The following SP100 variants were observed in gnomAD, a reference collection of about 807,000 sequenced individuals.
SP100 encodes the protein nuclear autoantigen Sp-100.
SP100 carries 84 observed loss-of-function variants against 130.0 expected under a neutral mutation model. The ratio of observed to expected loss-of-function variants is 0.65; its 90% confidence interval spans 0.54 to 0.77. The LOEUF is 0.77. Among genes scored for constraint, SP100 ranks in the 30% least tolerant of loss-of-function variants. SP100 has a pLI of 0.00. For synonymous variants in SP100, 331 were observed against 351.7 expected (o/e 0.94, Z 0.66); for missense variants, 978 against 1,052.2 (o/e 0.93, Z 0.97).
chr2:230,519,227 G>T (rs577685377), intron 24 of SP100, among the ~76,000 whole-genome samples: 1 of 152,268 alleles, frequency 6.6e-6, no homozygotes, highest in African/African-American at 2.4e-5. Context: ...GTCTGATATT[G>T]GATAAAGAGT....
chr2:230,524,260 G>A (rs1691316882), intron 24 of SP100, among the ~76,000 whole-genome samples: 1 of 150,392 alleles, frequency 6.6e-6, no homozygotes, highest in South Asian at 2.1e-4. Context: ...GGAGGCTGGG[G>A]CAGGAGAATC....
At chr2:230,449,391 GT>G in intron 6 of SP100, 169 bp from the exon 7 acceptor site, 1 of 835,476 alleles carries the variant, frequency 1.2e-6, no homozygotes, top group Non-Finnish European at 2.0e-6. Context: ...GAGCCTGGTC[GT>G]TTTACCCATG....
chr2:230,449,178 C>A, intron 6 of SP100, 28 bp downstream of exon 6: 1 of 1,611,938 alleles, frequency 6.2e-7, no homozygotes, highest in Non-Finnish European at 8.5e-7. Flanking sequence ...ACTCTTTGAG[C>A]CTCTGCTATT....
chr2:230,419,414 G>A (rs571656909), intron 2 of SP100, among the ~76,000 whole-genome samples: 1 of 152,328 alleles, frequency 6.6e-6, no homozygotes, highest in African/African-American at 2.4e-5. Context: ...CTGTCCTGGT[G>A]ATCAGATCGA....
At chr2:230,429,626 T>C (rs757791440) in intron 2 of SP100, among the ~76,000 whole-genome samples, 1 of 152,058 alleles carries the variant, frequency 6.6e-6, no homozygotes, top group Non-Finnish European at 1.5e-5. Context: ...ATAAATCCCA[T>C]AGGCTTTTTT....
chr2:230,475,495 T>C (rs558267285), intron 17 of SP100, among the ~76,000 whole-genome samples: 59 of 152,352 alleles, frequency 3.9e-4, no homozygotes, highest in African/African-American at 1.4e-3. Context: ...GCTGTCTGTT[T>C]ACTCTTTTGG....
intron 2 of SP100, among the ~76,000 whole-genome samples, chr2:230,427,773 T>C (rs1009283765): frequency 3.3e-5 from 5 of 152,216 alleles, no homozygotes; most frequent in African/African-American, 1.2e-4. Context: ...TTTATAGCTA[T>C]ACCATCCTAT....
At chr2:230,476,841 C>T (rs987528823) in intron 17 of SP100, among the ~76,000 whole-genome samples, 1 of 151,930 alleles carries the variant, frequency 6.6e-6, no homozygotes, top group Non-Finnish European at 1.5e-5. Context: ...TCAGAGAATG[C>T]TCTGTGTTTC....
rs1189892163 is a variant in SP100 at position 230,416,223 on chromosome 2, C to G, written c.-74C>G. The G allele has an allele frequency of 1.5e-6, 2 of 1,292,974 alleles. No homozygotes were observed. The highest frequency in any genetic ancestry group is 2.9e-5 in the African/African-American group (2 of 68,572). The allele number at this position is 1,292,974 out of a possible 1,614,324, so 80.1% of individuals were successfully genotyped here. ...CCTGCTTGGGGCCTGGGCAGCCACA[C>G]TGCACGCAGGCTGGGCCGACTGAGG... On this transcript the variant is annotated 5_prime_UTR_variant, in exon 1 of 29. Coordinates refer to ENST00000340126, the MANE Select transcript of SP100 (RefSeq NM_001080391.2).
intron 5 of SP100, 138 bp from the exon 6 acceptor site, chr2:230,448,950 C>T (rs2063835964): frequency 1.5e-6 from 1 of 688,684 alleles, no homozygotes; most frequent in African/African-American, 1.8e-5. Flanking sequence ...TAGCATCTGC[C>T]AGCTCCAGGT....
chr2:230,417,819 C>T (rs1180388686), intron 2 of SP100, among the ~76,000 whole-genome samples, 154 bp downstream of exon 2: 1 of 151,866 alleles, frequency 6.6e-6, no homozygotes, highest in Non-Finnish European at 1.5e-5. Flanking sequence ...GGTGTTTGTC[C>T]TTTTTTTCGT....
At chr2:230,436,086 A>G (rs1361502005) in intron 2 of SP100, among the ~76,000 whole-genome samples, 1 of 152,140 alleles carries the variant, frequency 6.6e-6, no homozygotes, top group African/African-American at 2.4e-5. Context: ...GATGTTTTAA[A>G]ACTACTACCT....
chr2:230,477,304 G>A (rs1411997897), intron 17 of SP100, among the ~76,000 whole-genome samples: 2 of 151,972 alleles, frequency 1.3e-5, no homozygotes, highest in African/African-American at 4.8e-5. Flanking sequence ...GATTTGTTAA[G>A]GGAATCTTTT....
At chr2:230,452,479 A>C (rs1039026339) in intron 8 of SP100, among the ~76,000 whole-genome samples, 1 of 152,190 alleles carries the variant, frequency 6.6e-6, no homozygotes, top group African/African-American at 2.4e-5. Context: ...CCTGGCCGCC[A>C]TTGGAATTTT....
At chr2:230,489,487 GGA>G (rs1438405435) in intron 17 of SP100, among the ~76,000 whole-genome samples, 1 of 151,134 alleles carries the variant, frequency 6.6e-6, no homozygotes, top group Non-Finnish European at 1.5e-5. Context: ...TGGTTTTTTT[GGA>G]GAGTTTTTCA....
chr2:230,449,792 C>A, intron 7 of SP100, 82 bp downstream of exon 7: 1 of 1,392,162 alleles, frequency 7.2e-7, no homozygotes, highest in South Asian at 1.3e-5. Flanking sequence ...ATGCACAATA[C>A]AAGGAGACAC....
At chr2:230,461,218 T>C in intron 8 of SP100, 44 bp from the exon 9 acceptor site, 6 of 1,591,478 alleles carry the variant, frequency 3.8e-6, no homozygotes, top group Non-Finnish European at 5.2e-6. Context: ...GTGAAGGAGG[T>C]TCACTGGGGA....
Position 230,498,509 on chromosome 2 carries a change from T to C in SP100, c.1694T>C (p.Val565Ala). ...AAACATTTAACTCTGAATAACAAAGTCCAAAAGAAAAGATGGCAACAAAGA... is the reference window on the plus strand; with the variant it reads ...AAACATTTAACTCTGAATAACAAAGCCCAAAAGAAAAGATGGCAACAAAGA... ...PRKHLTLNNKVQKKRWQQRGR... is the reference protein window; with the variant it reads ...PRKHLTLNNKAQKKRWQQRGR... The change falls in exon 19 of 29, where the codon GTC becomes GCC. Residue 565 changes from valine (V) to alanine (A), a missense_variant. Transcript: ENST00000340126. 6 of 1,493,106 alleles carry C rather than the reference T, an allele frequency of 4.0e-6. No individual in the cohort carries two copies. In the South Asian group the frequency reaches 7.0e-5, roughly 17 times the overall value. The allele number at this position is 1,493,106 out of a possible 1,614,324, so 92.5% of individuals were successfully genotyped here.
intron 8 of SP100, among the ~76,000 whole-genome samples, chr2:230,460,330 T>C (rs1380030912): frequency 6.6e-6 from 1 of 152,192 alleles, no homozygotes; most frequent in African/African-American, 2.4e-5. Flanking sequence ...TACAGATGAC[T>C]TTCACAAGCA....
Sources: allele counts gnomAD v4.1 joint callset (sites outside exome capture counted in the v4.1 genomes callset), GRCh38; gene constraint gnomAD v4.1.1; transcripts MANE v1.5; gene names NCBI Gene and HGNC (gene_info 2026-07-23, HGNC 2026-07-21).